The following ADAM10 variants were observed in gnomAD, a reference collection of about 807,000 sequenced individuals.
ADAM10 encodes the protein ADAM metallopeptidase domain 10, also known as disintegrin and metalloproteinase domain-containing protein 10.
A neutral mutation model predicts 90.1 loss-of-function variants in ADAM10; 17 were observed. The ratio of observed to expected loss-of-function variants is 0.19; its 90% CI spans 0.13 to 0.28. The LOEUF (loss-of-function observed/expected upper bound fraction) is 0.28. ADAM10 is among the 10% of genes least tolerant of loss of function. The probability of loss-of-function intolerance (pLI) is 1.00; values close to 1 mark genes in which losing one functional copy is unlikely to be tolerated. For missense variants in ADAM10, 610 were observed against 914.3 expected (o/e 0.67, Z 4.29); for synonymous variants, 310 against 298.6 (o/e 1.04, Z -0.40).
intron 1 of ADAM10, chr15:58,749,139 G>A: frequency 7.5e-6 from 3 of 398,278 alleles, no homozygotes; most frequent in East Asian, 7.1e-5. Flanking sequence ...AGACTGGAGG[G>A]ATGCAGCCAC....
chr15:58,646,726 G>A (rs1413678702), intron 5 of ADAM10, among the ~76,000 whole-genome samples: 4 of 152,184 alleles, frequency 2.6e-5, no homozygotes, highest in Middle Eastern at 3.2e-3. Flanking sequence ...ATTTGAATAT[G>A]TCATCCACCT....
intron 1 of ADAM10, among the ~76,000 whole-genome samples, chr15:58,717,972 G>C (rs529877221): frequency 1.5e-4 from 23 of 152,098 alleles, no homozygotes; most frequent in Admixed American, 2.6e-4. Flanking sequence ...ATCAAGCTGA[G>C]CAAGTTCTCT....
At chr15:58,672,909 G>A in intron 4 of ADAM10, 1 of 182,150 alleles carries the variant, frequency 5.5e-6, no homozygotes, top group Non-Finnish European at 1.2e-5. Flanking sequence ...AGAGAAGAAA[G>A]ATGAAGATGA....
At chr15:58,721,203 A>G (rs1898841117) in intron 1 of ADAM10, among the ~76,000 whole-genome samples, 1 of 152,222 alleles carries the variant, frequency 6.6e-6, no homozygotes, top group East Asian at 1.9e-4. Flanking sequence ...AAATTTTATA[A>G]AAGCAACATA....
chr15:58,724,226 C>T (rs1416043931), intron 1 of ADAM10, among the ~76,000 whole-genome samples: 1 of 151,280 alleles, frequency 6.6e-6, no homozygotes, highest in African/African-American at 2.4e-5. Flanking sequence ...AGTACAACAA[C>T]ATTGTTATTA....
intron 2 of ADAM10, among the ~76,000 whole-genome samples, chr15:58,697,932 A>G (rs1380683998): frequency 1.3e-5 from 2 of 152,154 alleles, no homozygotes; most frequent in Admixed American, 1.3e-4. Flanking sequence ...CAGCCGAATA[A>G]TTTATACGGA....
intron 3 of ADAM10, among the ~76,000 whole-genome samples, chr15:58,680,414 C>A (rs563333420): frequency 6.6e-6 from 1 of 152,288 alleles, no homozygotes; most frequent in Non-Finnish European, 1.5e-5. Flanking sequence ...TGAGTCACCA[C>A]GCCCAGCCTA....
chr15:58,725,734 T>C (rs1414559942), intron 1 of ADAM10, among the ~76,000 whole-genome samples: 1 of 151,990 alleles, frequency 6.6e-6, no homozygotes, highest in African/African-American at 2.4e-5. Context: ...GCACACTCTA[T>C]GTTAAGTCAG....
At chr15:58,625,049 CA>C (rs1354179325) in intron 10 of ADAM10, among the ~76,000 whole-genome samples, 3 of 151,994 alleles carry the variant, frequency 2.0e-5, no homozygotes, top group Non-Finnish European at 4.4e-5. Context: ...CTGACAATAA[CA>C]ATAACAAAAA....
At chr15:58,675,021 C>G (rs1294855987) in intron 4 of ADAM10, among the ~76,000 whole-genome samples, 1 of 152,158 alleles carries the variant, frequency 6.6e-6, no homozygotes, top group Non-Finnish European at 1.5e-5. Context: ...CATGGTGAAA[C>G]CCCGTCTCTA....
chr15:58,615,834 C>G (rs1202274014), intron 11 of ADAM10, among the ~76,000 whole-genome samples: 1 of 151,976 alleles, frequency 6.6e-6, no homozygotes, highest in African/African-American at 2.4e-5. Flanking sequence ...ATGGCAAAAC[C>G]CCGTCTCTAT....
intron 14 of ADAM10, chr15:58,609,963 T>C: frequency 3.5e-6 from 1 of 287,204 alleles, no homozygotes; most frequent in Non-Finnish European, 6.7e-6. Flanking sequence ...TAAGTTGTCT[T>C]GAAAAACAAC....
chr15:58,674,949 G>C (rs1370906867), intron 4 of ADAM10, among the ~76,000 whole-genome samples: 1 of 152,238 alleles, frequency 6.6e-6, no homozygotes, highest in Non-Finnish European at 1.5e-5. Context: ...CAACACTTTG[G>C]GAGGCCGAGG....
rs1168251684 is a variant in ADAM10, at chr15:58,597,774, T to TA, written c.2153-134dup. ...AATAATATGGGCCATCAATGTAATTTAAAATCTTCTGATAGCCACAATAAA... is the reference window on the plus strand; with the variant it reads ...AATAATATGGGCCATCAATGTAATTTAAAAATCTTCTGATAGCCACAATAAA... On this transcript the variant is annotated intron_variant, in intron 15 of 15. Coordinates refer to ENST00000260408, the MANE Select transcript of ADAM10 (RefSeq NM_001110.4). 5.0e-5 allele frequency: 41 copies of TA among 817,872 alleles called. No individual in the cohort carries two copies. In the African/African-American group the frequency reaches 5.8e-4, roughly 12 times the overall value. The allele number at this position is 817,872 out of a possible 1,614,324, so 50.7% of individuals were successfully genotyped here. A position where few individuals can be genotyped will look rare whatever the true frequency, so the allele number is the denominator to read the frequency against.
At chr15:58,747,075 C>T (rs1195619104) in intron 1 of ADAM10, among the ~76,000 whole-genome samples, 2 of 152,148 alleles carry the variant, frequency 1.3e-5, no homozygotes, top group Non-Finnish European at 2.9e-5. Flanking sequence ...TCATTTCGGG[C>T]ATGATTTCAT....
chr15:58,653,249 C>G (rs1347070849), intron 5 of ADAM10, among the ~76,000 whole-genome samples: 2 of 152,150 alleles, frequency 1.3e-5, no homozygotes. Context: ...ACCTCCAGTA[C>G]TATGTTGAGT....
At chr15:58,722,478 G>A (rs1259969972) in intron 1 of ADAM10, among the ~76,000 whole-genome samples, 3 of 151,196 alleles carry the variant, frequency 2.0e-5, no homozygotes, top group African/African-American at 7.3e-5. Context: ...CAAGGCCACA[G>A]TGAGCTATGA....
chr15:58,727,939 A>G (rs1899094267), intron 1 of ADAM10, among the ~76,000 whole-genome samples: 1 of 152,212 alleles, frequency 6.6e-6, no homozygotes. Context: ...CTCTGTAACT[A>G]GAGTTGGAAA....
At chr15:58,716,100 T>C (rs551609849) in intron 2 of ADAM10, among the ~76,000 whole-genome samples, 6 of 152,352 alleles carry the variant, frequency 3.9e-5, no homozygotes, top group African/African-American at 1.4e-4. Context: ...AAGTAATTTT[T>C]TCAACAATAA....
Sources: allele counts gnomAD v4.1 joint callset (sites outside exome capture counted in the v4.1 genomes callset), GRCh38; gene constraint gnomAD v4.1.1; transcripts MANE v1.5; gene names NCBI Gene and HGNC (gene_info 2026-07-23, HGNC 2026-07-21).